The following GRIA4 variants were observed in gnomAD, a reference collection of about 807,000 sequenced individuals.
The protein encoded by GRIA4 is glutamate ionotropic receptor AMPA type subunit 4, also known as glutamate receptor 4.
In GRIA4, 34 loss-of-function variants were observed where a neutral mutation model predicts 104.0. That is an observed-to-expected ratio of 0.33 (90% CI 0.25 to 0.44). The LOEUF (loss-of-function observed/expected upper bound fraction) is 0.44, where lower values mean the gene tolerates loss of function less well. GRIA4 is among the 20% of genes least tolerant of loss of function. GRIA4 has a pLI of 1.00. For missense variants in GRIA4, 750 were observed against 1,096.5 expected (o/e 0.68, Z 4.46); for synonymous variants, 386 against 381.9 (o/e 1.01, Z -0.13).
rs182227876 is a variant in GRIA4 at position 105,767,961 on chromosome 11, A to T, written c.487+14741A>T. ...AGCCAAAGAAAATAGTAGAGTAAGC[A>T]GGTCCTAGACAGTTAACACATAACA... On this transcript the variant is annotated intron_variant, in intron 4 of 16. Coordinates refer to ENST00000282499, the MANE Select transcript of GRIA4 (RefSeq NM_000829.4). Among the ~76,000 whole-genome samples the T allele has an allele frequency of 1.1e-3, 167 of 152,290 alleles. 2 individuals are homozygous for T. The highest frequency in any genetic ancestry group is 0.01 in the Middle Eastern group (3 of 294).
chr11:105,864,216 T>G (rs1040455362), intron 5 of GRIA4, among the ~76,000 whole-genome samples: 1 of 152,224 alleles, frequency 6.6e-6, no homozygotes, highest in Non-Finnish European at 1.5e-5. Context: ...GTTTTTATTC[T>G]GAACATGCTG....
At chr11:105,732,022 T>A (rs1014315851) in intron 3 of GRIA4, among the ~76,000 whole-genome samples, 13 of 152,162 alleles carry the variant, frequency 8.5e-5, no homozygotes, top group African/African-American at 2.9e-4. Flanking sequence ...ACTTAAAGTA[T>A]AATAAAAAAT....
At chr11:105,776,647 C>T (rs981100461) in intron 4 of GRIA4, among the ~76,000 whole-genome samples, 5 of 152,238 alleles carry the variant, frequency 3.3e-5, no homozygotes, top group Admixed American at 3.3e-4. Context: ...TGCAGTCTCC[C>T]TAGTCCCTGA....
intron 4 of GRIA4, among the ~76,000 whole-genome samples, chr11:105,768,126 G>A (rs1253204617): frequency 1.3e-5 from 2 of 152,150 alleles, no homozygotes; most frequent in African/African-American, 4.8e-5. Context: ...ATGGTCTTTT[G>A]TGTGATCACA....
chr11:105,619,343 T>C (rs1950682350), intron 3 of GRIA4, among the ~76,000 whole-genome samples: 1 of 152,006 alleles, frequency 6.6e-6, no homozygotes, highest in South Asian at 2.1e-4. Flanking sequence ...ATTCCACATG[T>C]AGTTAAAAAT....
intron 5 of GRIA4, among the ~76,000 whole-genome samples, chr11:105,887,120 A>T (rs569875309): frequency 1.3e-5 from 2 of 152,250 alleles, no homozygotes; most frequent in African/African-American, 4.8e-5. Flanking sequence ...CTATTAAGAC[A>T]CCAAGCAGCC....
intron 6 of GRIA4, among the ~76,000 whole-genome samples, chr11:105,897,905 G>A (rs907857938): frequency 2.0e-5 from 3 of 152,044 alleles, no homozygotes; most frequent in African/African-American, 7.2e-5. Context: ...GTTGGTTTCA[G>A]TATGATACTA....
intron 2 of GRIA4, among the ~76,000 whole-genome samples, chr11:105,611,850 A>T (rs1020974215): frequency 2.0e-5 from 3 of 152,210 alleles, no homozygotes; most frequent in East Asian, 3.9e-4. Context: ...GGAGGAAAAT[A>T]AAGTTCATTT....
chr11:105,615,322 C>A (rs2135251824), intron 3 of GRIA4, among the ~76,000 whole-genome samples: 1 of 151,912 alleles, frequency 6.6e-6, no homozygotes, highest in African/African-American at 2.4e-5. Context: ...AGTTTACATG[C>A]TCATAAGTCT....
intron 5 of GRIA4, among the ~76,000 whole-genome samples, chr11:105,883,433 C>A (rs1263027438): frequency 7.5e-5 from 11 of 145,770 alleles, no homozygotes; most frequent in Non-Finnish European, 1.4e-4. Flanking sequence ...CCCCCTCCCC[C>A]ACCCCACGGC....
intron 3 of GRIA4, among the ~76,000 whole-genome samples, chr11:105,739,589 A>G (rs1377850903): frequency 1.3e-5 from 2 of 152,190 alleles, no homozygotes; most frequent in African/African-American, 4.8e-5. Flanking sequence ...TCAGAATTCT[A>G]AGAAAATTAG....
rs370589884 is a variant in GRIA4, at chr11:105,648,813, AT to A, written c.247+36384del. Reference sequence around the variant, plus strand: ...TTAGGTTGGTACAAAAGTAATTGTGATTTTTGCCATTACTTTTAATGACCGA... The same window carrying A: ...TTAGGTTGGTACAAAAGTAATTGTGATTTTGCCATTACTTTTAATGACCGA... On this transcript the variant is annotated intron_variant, in intron 3 of 16. Transcript: ENST00000282499. Among the ~76,000 whole-genome samples the A allele has an allele frequency of 2.6e-4, 39 of 152,308 alleles. No individual in the cohort carries two copies. The South Asian group carries it at 8.1e-3, about 32-fold the overall frequency.
At chr11:105,964,436 T>C (rs1948811102) in intron 14 of GRIA4, among the ~76,000 whole-genome samples, 1 of 152,216 alleles carries the variant, frequency 6.6e-6, no homozygotes, top group African/African-American at 2.4e-5. Flanking sequence ...TTTAAGACAA[T>C]AAACACTTTA....
At chr11:105,946,945 T>C (rs1206289959) in intron 14 of GRIA4, among the ~76,000 whole-genome samples, 1 of 152,216 alleles carries the variant, frequency 6.6e-6, no homozygotes, top group Admixed American at 6.5e-5. Context: ...TTTAGAAGCC[T>C]TGCAAATCCT....
At chr11:105,767,137 G>A (rs1221761358) in intron 4 of GRIA4, among the ~76,000 whole-genome samples, 1 of 152,128 alleles carries the variant, frequency 6.6e-6, no homozygotes, top group Admixed American at 6.6e-5. Flanking sequence ...AATTTGATAA[G>A]TGAATTTAAA....
intron 6 of GRIA4, among the ~76,000 whole-genome samples, chr11:105,891,943 A>ATACAGAGAGCAAAGTGAC (rs1946468449): frequency 6.6e-6 from 1 of 152,022 alleles, no homozygotes; most frequent in South Asian, 2.1e-4. Context: ...AGCTTATGTT[A>ATACAGAGAGCAAAGTGAC]TTGTAATTGT....
intron 3 of GRIA4, among the ~76,000 whole-genome samples, chr11:105,672,906 T>C (rs1952419825): frequency 2.6e-5 from 4 of 152,100 alleles, no homozygotes; most frequent in South Asian, 2.1e-4. Context: ...CAGGTATTCA[T>C]TTAAAATTTT....
chr11:105,688,116 ATATC>A (rs1470148219), intron 3 of GRIA4, among the ~76,000 whole-genome samples: 1 of 68,582 alleles, frequency 1.5e-5, no homozygotes, highest in Admixed American at 2.0e-4. Flanking sequence ...ATCTATATCT[ATATC>A]TATATCTATA....
At chr11:105,851,217 T>C (rs1275907668) in intron 4 of GRIA4, among the ~76,000 whole-genome samples, 1 of 152,168 alleles carries the variant, frequency 6.6e-6, no homozygotes, top group Non-Finnish European at 1.5e-5. Flanking sequence ...GCAGAATTTT[T>C]ACCCTTGTCA....
Sources: allele counts gnomAD v4.1 joint callset (sites outside exome capture counted in the v4.1 genomes callset), GRCh38; gene constraint gnomAD v4.1.1; transcripts MANE v1.5; gene names NCBI Gene and HGNC (gene_info 2026-07-23, HGNC 2026-07-21).